ZNF350: variants seen among roughly 807,000 people sequenced by gnomAD.
ZNF350 encodes zinc finger protein 350, also known as KRAB zinc finger protein ZFQR.
In ZNF350, 5 loss-of-function variants were observed where a neutral mutation model predicts 13.1. The observed-to-expected ratio is 0.38, with a 90% confidence interval of 0.20 to 0.80. ZNF350 has a LOEUF of 0.80. ZNF350 is among the 30% of genes least tolerant of loss of function. ZNF350 has a pLI of 0.43. For missense variants in ZNF350, 534 were observed against 644.2 expected (o/e 0.83, Z 1.85); for synonymous variants, 199 against 224.2 (o/e 0.89, Z 1.00).
intron 1 of ZNF350, among the ~76,000 whole-genome samples, chr19:51,975,829 A>G (rs1000442576): frequency 5.9e-5 from 9 of 152,170 alleles, no homozygotes; most frequent in African/African-American, 1.9e-4. Context: ...GGTTCAAGCA[A>G]TTCTCTGCCT....
intron 2 of ZNF350, chr19:51,973,460 C>G (rs2085802969): frequency 6.6e-6 from 1 of 152,194 alleles, no homozygotes; most frequent in Non-Finnish European, 1.5e-5. Context: ...AACAAAGACA[C>G]TACCATTAGC....
At position 51,965,496 on chromosome 19, in the gene ZNF350, T is replaced by C. The variant is rs2085540840; in HGVS notation, c.957A>G (p.Ile319Met). 1 of 1,614,074 alleles carries C rather than the reference T, an allele frequency of 6.2e-7. No homozygotes were observed. Among genetic ancestry groups the C allele is most frequent in the South Asian group, 1.1e-5 (1 of 91,084 alleles). Residue 319 changes from isoleucine (I) to methionine (M), a missense_variant, in exon 5 of 5, where the codon ATA becomes ATG. By Grantham distance (10) the Ile-to-Met change is conservative. Coordinates refer to ENST00000243644, the MANE Select transcript of ZNF350 (RefSeq NM_021632.4). ...QRIHTGEKPYICNECGKGFIQ... is the reference protein window; with the variant it reads ...QRIHTGEKPYMCNECGKGFIQ... ...TGAAGCCTTTTCCACATTCATTGCA[T>C]ATATAAGGTTTCTCACCTGTATGAA...
At position 51,966,127 on chromosome 19, in the gene ZNF350, A is replaced by C; in HGVS notation, c.326T>G (p.Phe109Cys). The change falls in exon 5 of 5, where the codon TTT becomes TGT. Residue 109 changes from phenylalanine to cysteine, a missense_variant. Transcript: ENST00000243644. ...RRKPCHEHDA[F>C]ENIVHCSKSQ... The stretch of plus-strand genomic sequence containing the variant: ...TTTGCTGCAATGAACAATATTTTCA[A>C]ATGCATCATGTTCATGACATGGTTT... The C allele has an allele frequency of 6.2e-7, 1 of 1,614,080 alleles. No individual in the cohort carries two copies. The highest frequency in any genetic ancestry group is 8.5e-7 in the Non-Finnish European group (1 of 1,180,016).
At chr19:51,968,861 T>C in intron 3 of ZNF350, 144 bp downstream of exon 3, 2 of 1,544,372 alleles carry the variant, frequency 1.3e-6, no homozygotes, top group Non-Finnish European at 1.8e-6. Flanking sequence ...AGAGGGTAGA[T>C]TACACCGTCT....
intron 1 of ZNF350, among the ~76,000 whole-genome samples, chr19:51,975,353 C>T (rs1044984630): frequency 3.4e-5 from 5 of 145,160 alleles, no homozygotes; most frequent in African/African-American, 1.0e-4. Context: ...TGCTTGAATC[C>T]GGGAGATGGA....
At chr19:51,977,845 G>A (rs1599950070) in intron 1 of ZNF350, among the ~76,000 whole-genome samples, 1 of 152,196 alleles carries the variant, frequency 6.6e-6, no homozygotes, top group African/African-American at 2.4e-5. Flanking sequence ...GAGATTCATC[G>A]ATCTGCAAAG....
rs571359520 is a variant in ZNF350 at position 51,976,829 on chromosome 19, CAGG to C, written c.-171-2301_-171-2299del. ...CTTGATGTGGAAAATTGGGATACAG[CAGG>C]AGAAGGATTAAAACAGGCTCATCAA... On this transcript the variant is annotated intron_variant, in intron 1 of 4. Coordinates refer to ENST00000243644, the MANE Select transcript of ZNF350 (RefSeq NM_021632.4). The surrounding 1 kb of genome is among the most constrained non-coding windows in gnomAD (Gnocchi z 4.5). 6 of 152,180 alleles carry C rather than the reference CAGG, an allele frequency of 3.9e-5. No individual in the cohort carries two copies. The highest frequency in any genetic ancestry group is 2.1e-4 in the South Asian group (1 of 4,834). The allele number at this position is 152,180 out of a possible 1,614,324, so 9.4% of individuals were successfully genotyped here.
intron 1 of ZNF350, among the ~76,000 whole-genome samples, chr19:51,985,395 C>T (rs1246463519): frequency 6.6e-6 from 1 of 152,170 alleles, no homozygotes; most frequent in South Asian, 2.1e-4. Flanking sequence ...ATGTTATTTT[C>T]AGGCGATATC....
intron 4 of ZNF350, among the ~76,000 whole-genome samples, chr19:51,968,113 A>T (rs941270315): frequency 3.3e-5 from 5 of 152,208 alleles, no homozygotes; most frequent in Non-Finnish European, 5.9e-5. Flanking sequence ...GCCAAGGCAC[A>T]GCGAAAGTCC....
chr19:51,965,801 T>G lies in ZNF350; in HGVS notation c.652A>C (p.Lys218Gln). 2 of 1,614,186 alleles carry G rather than the reference T, an allele frequency of 1.2e-6. No homozygotes were observed. The highest frequency in any genetic ancestry group is 1.7e-6 in the Non-Finnish European group (2 of 1,180,034). ...ACCTGGTGATCAGTTAGCCAAGACTTCTTGATGAAGGCTTTCCCACATTCA... is the reference window on the plus strand; with the variant it reads ...ACCTGGTGATCAGTTAGCCAAGACTGCTTGATGAAGGCTTTCCCACATTCA... ...CSECGKAFIKKSWLTDHQVMH... is the reference protein window; with the variant it reads ...CSECGKAFIKQSWLTDHQVMH... The change falls in exon 5 of 5, where the codon AAG becomes CAG. Residue 218 changes from lysine (K) to glutamine (Q), a missense_variant. Lys to Gln is a moderately conservative substitution (Grantham distance 53). Coordinates refer to ENST00000243644, the MANE Select transcript of ZNF350 (RefSeq NM_021632.4).
Position 51,965,954 on chromosome 19 carries a change from C to T in ZNF350, c.499G>A (p.Ala167Thr), listed in dbSNP as rs1190281977. 2.5e-6 allele frequency: 4 copies of T among 1,614,054 alleles called. No homozygotes were observed. Among genetic ancestry groups the T allele is most frequent in the Non-Finnish European group, 2.5e-6 (3 of 1,180,024 alleles). ...FTGNGDSFLH[A>T]NHERLHTAIK... Reference sequence around the variant, plus strand: ...GCAGTATGAAGTCGTTCATGGTTAGCATGAAGAAAGGAGTCCCCATTTCCA... The same window carrying T: ...GCAGTATGAAGTCGTTCATGGTTAGTATGAAGAAAGGAGTCCCCATTTCCA... The change falls in exon 5 of 5, where the codon GCT becomes ACT. Residue 167 changes from alanine to threonine, a missense_variant. Ala to Thr is a moderately conservative substitution (Grantham distance 58). Transcript: ENST00000243644.
Position 51,964,732 on chromosome 19 carries a change from A to T in ZNF350, c.*122T>A. ...CCTGTGTATCACAGCATACATTTTA[A>T]TAGGATGAGTTTATCAGGCTATCTC... On this transcript the variant is annotated 3_prime_UTR_variant, in exon 5 of 5. Coordinates refer to ENST00000243644, the MANE Select transcript of ZNF350 (RefSeq NM_021632.4). 1 of 1,176,358 alleles carries T rather than the reference A, an allele frequency of 8.5e-7. No individual in the cohort carries two copies. The highest frequency in any genetic ancestry group is 2.4e-5 in the East Asian group (1 of 41,176). 72.9% of individuals were successfully genotyped at this position (1,176,358 alleles called of 1,614,324 possible).
rs568730992 is a variant in ZNF350 at position 51,983,857 on chromosome 19, A to G, written c.-172+2913T>C. Among the ~76,000 whole-genome samples the G allele has an allele frequency of 1.6e-4, 25 of 152,250 alleles. 2 individuals carry two copies. In the South Asian group the frequency reaches 5.2e-3, roughly 32 times the overall value. The stretch of plus-strand genomic sequence containing the variant: ...CCTGGGCCCACTTTTCTTCCTCTGT[A>G]CTTTCTCTCTGTGTCTGATTTCTTT... On this transcript the variant is annotated intron_variant, in intron 1 of 4. Transcript: ENST00000243644.
At position 51,974,538 on chromosome 19, in the gene ZNF350, G is replaced by T; in HGVS notation, c.-171-7C>A. The T allele has an allele frequency of 1.5e-6, 1 of 661,978 alleles. No individual in the cohort carries two copies. The highest frequency in any genetic ancestry group is 2.6e-6 in the Non-Finnish European group (1 of 383,214). The allele number at this position is 661,978 out of a possible 1,614,324, so 41.0% of individuals were successfully genotyped here. A position where few individuals can be genotyped will look rare whatever the true frequency, so the allele number is the denominator to read the frequency against. ...GCTCCTGAGGAGTCAGAACCTGTGG[G>T]TTGAAGAGCAAATTCAATGTAAGTG... is the stretch of plus-strand genomic sequence containing the variant. On this transcript the variant is annotated splice_region_variant and splice_polypyrimidine_tract_variant and intron_variant, in intron 1 of 4. Transcript: ENST00000243644.
At chr19:51,978,886 T>G (rs2085963227) in intron 1 of ZNF350, among the ~76,000 whole-genome samples, 1 of 152,118 alleles carries the variant, frequency 6.6e-6, no homozygotes, top group African/African-American at 2.4e-5. Context: ...TCTGAAAGTG[T>G]TATGGAAATC....
At chr19:51,981,737 A>C (rs183572143) in intron 1 of ZNF350, among the ~76,000 whole-genome samples, 8 of 152,328 alleles carry the variant, frequency 5.3e-5, no homozygotes, top group Admixed American at 1.3e-4. Context: ...ATGCTCACTG[A>C]AAAGAGGTGA....
chr19:51,983,879 C>A (rs2086112633), intron 1 of ZNF350, among the ~76,000 whole-genome samples: 2 of 152,220 alleles, frequency 1.3e-5, no homozygotes, highest in Admixed American at 6.5e-5. Flanking sequence ...TGTCTGATTT[C>A]TTTTCTCAGT....
At chr19:51,971,213 G>T (rs528556106) in intron 2 of ZNF350, among the ~76,000 whole-genome samples, 30 of 152,310 alleles carry the variant, frequency 2.0e-4, no homozygotes, top group African/African-American at 7.2e-4. Flanking sequence ...AACACACTTG[G>T]TAGATGATAC....
intron 4 of ZNF350, among the ~76,000 whole-genome samples, chr19:51,968,121 T>A (rs1292054469): frequency 6.6e-6 from 1 of 152,154 alleles, no homozygotes; most frequent in East Asian, 1.9e-4. Flanking sequence ...ACAGCGAAAG[T>A]CCAGTTTACC....
Sources: gnomAD v4.1 joint callset for allele counts (sites outside exome capture counted in the v4.1 genomes callset) on GRCh38, gnomAD v4.1.1 for gene constraint, Gnocchi (gnomAD v3.1) non-coding constraint, MANE v1.5 for transcripts, NCBI Gene and HGNC (gene_info 2026-07-23, HGNC 2026-07-21) for gene names.